Variants in CREBBP observed in about 807,000 individuals in gnomAD.
CREBBP encodes CREB-binding protein.
CREBBP carries 19 observed loss-of-function variants against 265.0 expected under a neutral mutation model. The ratio of observed to expected loss-of-function variants is 0.07; its 90% CI spans 0.05 to 0.11. CREBBP has a LOEUF of 0.11. CREBBP is among the 10% of genes least tolerant of loss of function. The probability of loss-of-function intolerance (pLI) is 1.00; values close to 1 mark genes in which losing one functional copy is unlikely to be tolerated. For synonymous variants in CREBBP, 1,457 were observed against 1,223.7 expected (o/e 1.19, Z -3.98); for missense variants, 2,525 against 3,219.0 (o/e 0.78, Z 5.22).
chr16:3,737,514 C>T (rs925460895), intron 26 of CREBBP, among the ~76,000 whole-genome samples: 7 of 150,820 alleles, frequency 4.6e-5, no homozygotes, highest in African/African-American at 1.5e-4. Context: ...GGGTGGAGTG[C>T]AATGGCATGA....
Position 3,744,462 on chromosome 16 carries a change from C to T in CREBBP, c.3982+432G>A, listed in dbSNP as rs78517210. On this transcript the variant is annotated intron_variant, in intron 23 of 30. Coordinates refer to ENST00000262367, the MANE Select transcript of CREBBP (RefSeq NM_004380.3). ...CATCTAACCTTTCATCTAAAACATG[C>T]GCTGATCATAAATGCTGACTTTCAT... is the stretch of plus-strand genomic sequence containing the variant. Among the ~76,000 whole-genome samples, 24 of 152,328 alleles carry T rather than the reference C, an allele frequency of 1.6e-4. No homozygotes were observed. In the East Asian group the frequency reaches 3.7e-3, roughly 23 times the overall value.
intron 2 of CREBBP, among the ~76,000 whole-genome samples, chr16:3,830,901 C>T (rs960012464): frequency 6.6e-6 from 1 of 152,196 alleles, no homozygotes; most frequent in Admixed American, 6.5e-5. Context: ...TGTATCTCAG[C>T]CCCCTCAAGC....
At position 3,751,763 on chromosome 16, in the gene CREBBP, T is replaced by C; in HGVS notation, c.3742A>G (p.Asn1248Asp). 6.2e-7 allele frequency: 1 copy of C among 1,614,032 alleles called. No homozygotes were observed. The highest frequency in any genetic ancestry group is 8.5e-7 in the Non-Finnish European group (1 of 1,180,000). ...EKCFTEIQGENVTLGDDPSQP... is the reference protein window; with the variant it reads ...EKCFTEIQGEDVTLGDDPSQP... Reference sequence around the variant, plus strand: ...GAAGGGTCGTCACCCAGGGTCACATTCTCGCCCTGGATCTCTGTGAAACAC... The same window carrying C: ...GAAGGGTCGTCACCCAGGGTCACATCCTCGCCCTGGATCTCTGTGAAACAC... Residue 1248 changes from asparagine (N) to aspartate (D), a missense_variant, in exon 20 of 31, where the codon AAT (asparagine) becomes GAT (aspartate). By Grantham distance (23) the Asn-to-Asp change is conservative. Transcript: ENST00000262367.
chr16:3,823,957 AACACACACACACACACAC>A (rs57902688), intron 2 of CREBBP, among the ~76,000 whole-genome samples: 3 of 148,020 alleles, frequency 2.0e-5, no homozygotes, highest in Admixed American at 1.3e-4. Flanking sequence ...AGGCTGTGGC[AACACACACACACACACAC>A]ACACACACAC....
At chr16:3,804,512 G>C (rs962035312) in intron 3 of CREBBP, among the ~76,000 whole-genome samples, 1 of 152,162 alleles carries the variant, frequency 6.6e-6, no homozygotes, top group Non-Finnish European at 1.5e-5. Flanking sequence ...GACTGATGTA[G>C]CTCACACCGC....
chr16:3,766,334 C>T (rs2052851960), intron 16 of CREBBP, among the ~76,000 whole-genome samples: 2 of 152,296 alleles, frequency 1.3e-5, no homozygotes, highest in East Asian at 1.9e-4. Flanking sequence ...CTCCCTTTAC[C>T]AACTACAGGA....
At chr16:3,761,028 C>G (rs1596862283) in intron 16 of CREBBP, among the ~76,000 whole-genome samples, 2 of 152,264 alleles carry the variant, frequency 1.3e-5, no homozygotes, top group African/African-American at 4.8e-5. Flanking sequence ...GATCTTGGCT[C>G]ACTGCAATCT....
At chr16:3,788,872 A>G (rs1327311112) in intron 5 of CREBBP, among the ~76,000 whole-genome samples, 2 of 152,182 alleles carry the variant, frequency 1.3e-5, no homozygotes, top group Non-Finnish European at 2.9e-5. Flanking sequence ...TGACTGCTTG[A>G]GCCCGAGAGG....
chr16:3,850,342 A>C lies in CREBBP; in HGVS notation c.753T>G (p.Thr251=), dbSNP rs142403441. 273 of 1,614,246 alleles carry C rather than the reference A, an allele frequency of 1.7e-4. No homozygotes were observed. In the African/African-American group the frequency reaches 3.4e-3, roughly 20 times the overall value. Residue 251 remains threonine, a synonymous_variant, in exon 2 of 31, where the codon ACT becomes ACG. Transcript: ENST00000262367. ...GTGCGGTGTTCAGTCCCGCGTGACCAGTCATTTGCGGGGAAACCTGCGTTA... is the reference window on the plus strand; with the variant it reads ...GTGCGGTGTTCAGTCCCGCGTGACCCGTCATTTGCGGGGAAACCTGCGTTA... ...ETLTQVSPQM[T]GHAGLNTAQA...
intron 20 of CREBBP, 27 bp from the exon 21 acceptor site, chr16:3,749,710 T>C: frequency 6.8e-7 from 1 of 1,473,462 alleles, no homozygotes; most frequent in South Asian, 1.2e-5. Context: ...AAAACATGTT[T>C]TATTAACTAA....
At chr16:3,809,997 T>G (rs1179641313) in intron 3 of CREBBP, among the ~76,000 whole-genome samples, 2 of 152,008 alleles carry the variant, frequency 1.3e-5, no homozygotes, top group Non-Finnish European at 2.9e-5. Flanking sequence ...TGTTTTGAAA[T>G]AAAAGAGATT....
chr16:3,802,619 AT>A (rs915077628), intron 3 of CREBBP, among the ~76,000 whole-genome samples: 5 of 152,322 alleles, frequency 3.3e-5, no homozygotes, highest in South Asian at 2.1e-4. Context: ...TCACAAAAAA[AT>A]AAGTCATTTT....
intron 3 of CREBBP, among the ~76,000 whole-genome samples, chr16:3,808,117 AG>A (rs2053865956): frequency 1.6e-5 from 1 of 62,216 alleles, no homozygotes; most frequent in African/African-American, 6.5e-5. Context: ...AGAGAAAGAG[AG>A]GGGGTGGGGA....
chr16:3,730,015 C>A, intron 30 of CREBBP, 141 bp from the exon 31 acceptor site: 1 of 1,410,240 alleles, frequency 7.1e-7, no homozygotes, highest in Admixed American at 2.0e-5. Context: ...AGGATGCGAG[C>A]ACGGACAGGT....
Position 3,879,799 on chromosome 16 carries a change from C to T in CREBBP, c.85+33G>A, listed in dbSNP as rs757458832. ...TTTCAGGTGGGGGTGACAGCGCGCC[C>T]CGGGCCCCCGCCGCCCCGGACCCCC... On this transcript the variant is annotated intron_variant, in intron 1 of 30. Transcript: ENST00000262367. 21 of 1,552,928 alleles carry T rather than the reference C, an allele frequency of 1.4e-5. No homozygotes were observed. In the African/African-American group the frequency reaches 2.3e-4, roughly 17 times the overall value.
At chr16:3,780,504 C>T (rs1214120931) in intron 8 of CREBBP, among the ~76,000 whole-genome samples, 4 of 152,166 alleles carry the variant, frequency 2.6e-5, no homozygotes, top group East Asian at 1.9e-4. Flanking sequence ...CAGTGCCCCT[C>T]GGCAGTACAG....
intron 5 of CREBBP, among the ~76,000 whole-genome samples, chr16:3,789,871 A>G (rs1355648239): frequency 6.6e-6 from 1 of 151,668 alleles, no homozygotes; most frequent in Non-Finnish European, 1.5e-5. Context: ...TCAGGCCGTT[A>G]TAAGGATGGT....
At chr16:3,766,242 C>T (rs1335203249) in intron 16 of CREBBP, among the ~76,000 whole-genome samples, 1 of 152,138 alleles carries the variant, frequency 6.6e-6, no homozygotes, top group East Asian at 1.9e-4. Context: ...CGCAACTAAC[C>T]TTTAAGAAAC....
intron 1 of CREBBP, among the ~76,000 whole-genome samples, chr16:3,856,839 A>G (rs1013531353): frequency 7.9e-5 from 12 of 152,194 alleles, no homozygotes; most frequent in African/African-American, 1.9e-4. Flanking sequence ...AGGCGACCTA[A>G]CTGGCTATTT....
Sources: gnomAD v4.1 joint callset for allele counts (sites outside exome capture counted in the v4.1 genomes callset) on GRCh38, gnomAD v4.1.1 for gene constraint, MANE v1.5 for transcripts, NCBI Gene and HGNC (gene_info 2026-07-23, HGNC 2026-07-21) for gene names.